The following RAG2 variants were observed in gnomAD, a reference collection of about 807,000 sequenced individuals.
RAG2 encodes the protein recombination activating 2.
A neutral mutation model predicts 31.8 loss-of-function variants in RAG2; 16 were observed. That is an observed-to-expected ratio of 0.50 (90% CI 0.34 to 0.76). The LOEUF (loss-of-function observed/expected upper bound fraction) is 0.76. RAG2 is among the 30% of genes least tolerant of loss of function. RAG2 has a pLI of 0.01. For synonymous variants in RAG2, 199 were observed against 215.9 expected (o/e 0.92, Z 0.68); for missense variants, 622 against 628.5 (o/e 0.99, Z 0.11).
Position 36,593,674 on chromosome 11 carries a change from G to A in RAG2, c.495C>T (p.Thr165=). 1 of 1,614,122 alleles carries A rather than the reference G, an allele frequency of 6.2e-7. No individual in the cohort carries two copies. The highest frequency in any genetic ancestry group is 8.5e-7 in the Non-Finnish European group (1 of 1,180,024). ...LFGGRSYMPS[T]HRTTEKWNSV... is the part of the protein sequence containing the mutation. ...TATTCCATTTTTCTGTGGTTCTGTG[G>A]GTAGAAGGCATGTATGAGCGTCCTC... The change falls in exon 2 of 2, where the codon ACC becomes ACT. Residue 165 remains threonine (T), a synonymous_variant. Coordinates refer to ENST00000311485, the MANE Select transcript of RAG2 (RefSeq NM_000536.4).
At chr11:36,594,293 C>A in intron 1 of RAG2, 98 bp from the exon 2 acceptor site, 1 of 809,466 alleles carries the variant, frequency 1.2e-6, no homozygotes, top group Non-Finnish European at 2.1e-6. Flanking sequence ...TAAGTCCTCC[C>A]ACACGCTTGC....
rs1194042363 is a variant in RAG2 at position 36,594,006 on chromosome 11, C to T, written c.163G>A (p.Val55Ile). The T allele has an allele frequency of 6.2e-7, 1 of 1,614,166 alleles. No individual in the cohort carries two copies. The highest frequency in any genetic ancestry group is 1.7e-5 in the Admixed American group (1 of 60,018). Residue 55 changes from valine (V) to isoleucine (I), a missense_variant, in exon 2 of 2, where the codon GTC becomes ATC. Transcript: ENST00000311485. ...VFHLDVKHNH[V>I]KLKPTIFSKD... ...GAGAAAATTGTAGGCTTCAGTTTGACATGGTTATGCTTTACATCCAGATGG... is the reference window on the plus strand; with the variant it reads ...GAGAAAATTGTAGGCTTCAGTTTGATATGGTTATGCTTTACATCCAGATGG...
rs751957269 is a variant in RAG2, at chr11:36,593,413, C to T, written c.756G>A (p.Leu252=). ...CACTGGAGACAGAGATTCCTCCTGG[C>T]AAGACTGTGCAATTCACAGCTGGGC... is the stretch of plus-strand genomic sequence containing the variant. The part of the protein sequence containing the change: ...LGSPAVNCTV[L]PGGISVSSAI... The change falls in exon 2 of 2, where the codon TTG becomes TTA. Residue 252 remains leucine, a synonymous_variant. Transcript: ENST00000311485. 2 of 1,613,966 alleles carry T rather than the reference C, an allele frequency of 1.2e-6. No homozygotes were observed. The highest frequency in any genetic ancestry group is 1.1e-5 in the South Asian group (1 of 91,072).
chr11:36,594,868 G>A (rs1384985397), intron 1 of RAG2: 1 of 152,432 alleles, frequency 6.6e-6, no homozygotes, highest in Non-Finnish European at 1.5e-5. Flanking sequence ...CTGCCTGTCT[G>A]GATGCTTAGG....
chr11:36,594,711 C>T (rs1851133700), intron 1 of RAG2: 1 of 160,446 alleles, frequency 6.2e-6, no homozygotes, highest in Non-Finnish European at 1.4e-5. Flanking sequence ...CGGTGTCGGG[C>T]AAACCGCTAC....
In RAG2 at chr11:36,592,007, A is replaced by T. The variant is rs1851028779; in HGVS notation, c.*578T>A. The T allele has an allele frequency of 6.4e-6, 1 of 155,236 alleles. No homozygotes were observed. Among genetic ancestry groups the T allele is most frequent in the Non-Finnish European group, 1.4e-5 (1 of 70,176 alleles). 9.6% of individuals were successfully genotyped at this position (155,236 alleles called of 1,614,324 possible). ...GAACATTATCTATCTATATGTATAC[A>T]TATATTTATATTTATATCTACATCT... On this transcript the variant is annotated 3_prime_UTR_variant, in exon 2 of 2. Transcript: ENST00000311485.
At chr11:36,596,222 G>GTTTTTTTTTT (rs67282079) in intron 1 of RAG2, among the ~76,000 whole-genome samples, 2 of 118,366 alleles carry the variant, frequency 1.7e-5, no homozygotes, top group African/African-American at 3.1e-5. Context: ...TTTTTTTTTT[G>GTTTTTTTTTT]TTTTTTTTTT....
chr11:36,593,577 G>A lies in RAG2; in HGVS notation c.592C>T (p.Pro198Ser). 6.2e-7 allele frequency: 1 copy of A among 1,614,140 alleles called. No homozygotes were observed. Among genetic ancestry groups the A allele is most frequent in the Non-Finnish European group, 8.5e-7 (1 of 1,180,006 alleles). ...AAAGATAGCCCATCCTGAAGTTCTG[G>A]AAGAATGTATGATGTAGCACACCCA... ...EFGCATSYIL[P>S]ELQDGLSFHV... The change falls in exon 2 of 2, where the codon CCA becomes TCA. Residue 198 changes from proline (P) to serine (S), a missense_variant. Transcript: ENST00000311485.
chr11:36,595,429 G>C (rs748734959), intron 1 of RAG2, among the ~76,000 whole-genome samples: 2 of 152,150 alleles, frequency 1.3e-5, no homozygotes, highest in Non-Finnish European at 2.9e-5. Context: ...CTCCGTGTTT[G>C]CAGTGTGATG....
chr11:36,592,971 CAAA>C lies in RAG2; in HGVS notation c.1195_1197del (p.Phe399del), dbSNP rs1564995917. The C allele has an allele frequency of 6.2e-7, 1 of 1,614,112 alleles. No homozygotes were observed. Reference sequence around the variant, plus strand: ...TCTTCATCATCTTCATTATAGGTGTCAAATTCATCATCACCATCAAAACTATTT... The same window carrying C: ...TCTTCATCATCTTCATTATAGGTGTCTTCATCATCACCATCAAAACTATTT... On this transcript the variant is annotated inframe_deletion, in exon 2 of 2. Transcript: ENST00000311485.
intron 1 of RAG2, among the ~76,000 whole-genome samples, chr11:36,596,225 T>G (rs1015577718): frequency 1.3e-5 from 2 of 149,946 alleles, no homozygotes; most frequent in African/African-American, 2.4e-5. Flanking sequence ...TTTTTTTGTT[T>G]TTTTTTTTTT....
rs141025671 is a variant in RAG2, at chr11:36,593,260, C to T, written c.909G>A (p.Glu303=). The T allele has an allele frequency of 3.7e-5, 60 of 1,614,050 alleles. No individual in the cohort carries two copies. In the East Asian group the frequency reaches 1.3e-3, roughly 35 times the overall value. The change falls in exon 2 of 2, where the codon GAG becomes GAA. Residue 303 remains glutamate (E), a synonymous_variant. Coordinates refer to ENST00000311485, the MANE Select transcript of RAG2 (RefSeq NM_000536.4). The part of the protein sequence containing the change: ...EDNKIEIREM[E]TPDWTPDIKH... ...TAATGTCTGGGGTCCAATCTGGGGT[C>T]TCCATCTCACGAATTTCTATCTTGT...
In RAG2 at chr11:36,593,028, A is replaced by C; in HGVS notation, c.1141T>G (p.Ser381Ala). Reference sequence around the variant, plus strand: ...TCTGCACTGAAACAAAATTCTTCAGAGTCTTCAAAGGGAGTGGAATCCCCT... The same window carrying C: ...TCTGCACTGAAACAAAATTCTTCAGCGTCTTCAAAGGGAGTGGAATCCCCT... Reference protein sequence around the residue: ...DPGDSTPFEDSEEFCFSAEAN... With the variant: ...DPGDSTPFEDAEEFCFSAEAN... Residue 381 changes from serine (S) to alanine (A), a missense_variant, in exon 2 of 2, where the codon TCT becomes GCT. By Grantham distance (99) the Ser-to-Ala change is moderately conservative. Coordinates refer to ENST00000311485, the MANE Select transcript of RAG2 (RefSeq NM_000536.4). The C allele has an allele frequency of 6.2e-7, 1 of 1,614,188 alleles. No individual in the cohort carries two copies. The highest frequency in any genetic ancestry group is 1.7e-5 in the Admixed American group (1 of 60,030).
rs773710101 is a variant in RAG2 at position 36,592,840 on chromosome 11, C to A, written c.1329G>T (p.Met443Ile). 3 of 1,614,130 alleles carry A rather than the reference C, an allele frequency of 1.9e-6. No homozygotes were observed. In the East Asian group the frequency reaches 6.7e-5, roughly 36 times the overall value. The change falls in exon 2 of 2, where the codon ATG becomes ATT. Residue 443 changes from methionine (M) to isoleucine (I), a missense_variant. Coordinates refer to ENST00000311485, the MANE Select transcript of RAG2 (RefSeq NM_000536.4). ...GCCCATCCCCATGAGAGCAGTAGATCATGGCGGGTTTGTTGAGCTCAGTTG... is the reference window on the plus strand; with the variant it reads ...GCCCATCCCCATGAGAGCAGTAGATAATGGCGGGTTTGTTGAGCTCAGTTG... ...FYSTELNKPAMIYCSHGDGHW... is the reference protein window; with the variant it reads ...FYSTELNKPAIIYCSHGDGHW...
Position 36,593,525 on chromosome 11 carries a change from G to A in RAG2, c.644C>T (p.Thr215Ile), listed in dbSNP as rs35691292. 2,514 of 1,614,142 alleles carry A rather than the reference G, an allele frequency of 1.6e-3. 42 individuals are homozygous for A. In the South Asian group the frequency reaches 0.024, roughly 15 times the overall value. Residue 215 changes from threonine to isoleucine, a missense_variant, in exon 2 of 2, where the codon ACC becomes ATC. Physicochemically the swap from Thr to Ile is moderately conservative, Grantham distance 89. Transcript: ENST00000311485. Reference protein sequence around the residue: ...SFHVSIAKNDTIYILGGHSLA... With the variant: ...SFHVSIAKNDIIYILGGHSLA... ...TGAATGTCCTCCTAAAATATAGATGGTGTCATTTTTGGCAATAGAGACATG... is the reference window on the plus strand; with the variant it reads ...TGAATGTCCTCCTAAAATATAGATGATGTCATTTTTGGCAATAGAGACATG...
rs1851073724 is a variant in RAG2, at chr11:36,593,316, T to C, written c.853A>G (p.Met285Val). The change falls in exon 2 of 2, where the codon ATG becomes GTG. Residue 285 changes from methionine (M) to valine (V), a missense_variant. Physicochemically the swap from Met to Val is conservative, Grantham distance 21. Transcript: ENST00000311485. ...TCTAAAGAGATGATGTTGCAGATCA[T>C]TCTTTTTTGATTTTCAAGCTGATAG... ...GGYQLENQKR[M>V]ICNIISLEDN... The C allele has an allele frequency of 6.2e-7, 1 of 1,614,168 alleles. No individual in the cohort carries two copies. Among genetic ancestry groups the C allele is most frequent in the Non-Finnish European group, 8.5e-7 (1 of 1,180,022 alleles).
chr11:36,591,793 A>C (rs1482714796), downstream of RAG2: 1 of 152,162 alleles, frequency 6.6e-6, no homozygotes, highest in Non-Finnish European at 1.5e-5. Flanking sequence ...CCAGAGTACT[A>C]AGTAGCAATG....
chr11:36,592,781 T>C lies in RAG2; in HGVS notation c.1388A>G (p.Glu463Gly). Residue 463 changes from glutamate to glycine, a missense_variant, in exon 2 of 2, where the codon GAA (glutamate) becomes GGA (glycine). Coordinates refer to ENST00000311485, the MANE Select transcript of RAG2 (RefSeq NM_000536.4). The part of the protein sequence containing the change: ...WVHAQCMDLA[E>G]RTLIHLSAGS... ...TGCTGACAGATGGATGAGTGTGCGT[T>C]CTGCCAGATCCATGCACTGAGCATG... is the stretch of plus-strand genomic sequence containing the variant. The C allele has an allele frequency of 1.2e-6, 2 of 1,614,150 alleles. No individual in the cohort carries two copies. Among genetic ancestry groups the C allele is most frequent in the Non-Finnish European group, 1.7e-6 (2 of 1,180,034 alleles).
At chr11:36,594,463 T>C (rs1447491862) in intron 1 of RAG2, 3 of 428,532 alleles carry the variant, frequency 7.0e-6, no homozygotes, top group South Asian at 2.9e-5. Flanking sequence ...AGAGTCACCA[T>C]GCGTCAGCTG....
Sources: allele counts gnomAD v4.1 joint callset (sites outside exome capture counted in the v4.1 genomes callset), GRCh38; gene constraint gnomAD v4.1.1; transcripts MANE v1.5; gene names NCBI Gene and HGNC (gene_info 2026-07-23, HGNC 2026-07-21).